The following RPL6 variants were observed in gnomAD, a reference collection of about 807,000 sequenced individuals.
RPL6 encodes ribosomal protein L6, also known as large ribosomal subunit protein eL6.
RPL6 carries 1 observed loss-of-function variant against 32.1 expected under a neutral mutation model. The observed-to-expected ratio is 0.03, with a 90% CI of 0.01 to 0.15. RPL6 has a LOEUF of 0.15. Ranked by LOEUF, RPL6 falls within the 10% of genes least tolerant of loss-of-function variation. RPL6 has a pLI of 1.00. For missense variants in RPL6, 275 were observed against 354.6 expected, an observed-to-expected ratio of 0.78 and a Z score of 1.80; for synonymous variants, 126 against 131.6, an observed-to-expected ratio of 0.96 and a Z score of 0.29.
chr12:112,409,500 G>C (rs1053292428), intron 1 of RPL6, 87 bp downstream of exon 1: 3 of 398,524 alleles, frequency 7.5e-6, no homozygotes, highest in Non-Finnish European at 1.3e-5. Flanking sequence ...GACCCCTGTA[G>C]GTGTCGACTG....
upstream of RPL6, among the ~76,000 whole-genome samples, chr12:112,409,904 C>G (rs374199861): frequency 1.3e-5 from 2 of 150,600 alleles, no homozygotes; most frequent in Non-Finnish European, 1.5e-5. Context: ...GACAGCCAGT[C>G]GAGGCGCGGA....
Position 112,405,278 on chromosome 12 carries a change from C to G in RPL6, c.813G>C (p.Leu271=). ...IKAIPQLQGY[L]RSVFALTNGI... is the part of the protein sequence containing the mutation. ...CATTCGTCAGAGCAAACACAGATCG[C>G]AGGTAGCCCTGGAGCTGAGGAATAG... The change falls in exon 7 of 7, where the codon CTG becomes CTC. Residue 271 remains leucine (L), a synonymous_variant. Transcript: ENST00000202773. The G allele has an allele frequency of 6.2e-7, 1 of 1,607,596 alleles. No individual in the cohort carries two copies. Among genetic ancestry groups the G allele is most frequent in the South Asian group, 1.1e-5 (1 of 90,298 alleles).
intron 6 of RPL6, 126 bp from the exon 7 acceptor site, chr12:112,405,502 T>C: frequency 4.0e-6 from 4 of 992,516 alleles, no homozygotes; most frequent in Non-Finnish European, 6.0e-6. Flanking sequence ...AAGACAATTT[T>C]GACAATCCTT....
chr12:112,411,698 T>A (rs972800940), upstream of RPL6, among the ~76,000 whole-genome samples: 3 of 152,154 alleles, frequency 2.0e-5, no homozygotes, highest in Non-Finnish European at 2.9e-5. Context: ...AATAAAAACG[T>A]AGATGAACCC....
At chr12:112,416,375 G>A (rs942522131) in intron 1 of RPL6, among the ~76,000 whole-genome samples, 16 of 151,944 alleles carry the variant, frequency 1.1e-4, no homozygotes, top group Non-Finnish European at 2.1e-4. Flanking sequence ...TCCTGACCTC[G>A]TGATCCGCCC....
At chr12:112,417,374 A>G (rs1408295894) in intron 1 of RPL6, among the ~76,000 whole-genome samples, 1 of 151,446 alleles carries the variant, frequency 6.6e-6, no homozygotes, top group Admixed American at 6.6e-5. Flanking sequence ...GTAGCCTTCA[A>G]TGAGTCATAT....
Position 112,405,255 on chromosome 12 carries a change from T to A in RPL6, c.836A>T (p.Asn279Ile). 6.3e-7 allele frequency: 1 copy of A among 1,585,274 alleles called. No individual in the cohort carries two copies. Among genetic ancestry groups the A allele is most frequent in the Non-Finnish European group, 8.6e-7 (1 of 1,169,494 alleles). Residue 279 changes from asparagine (N) to isoleucine (I), a missense_variant, in exon 7 of 7, where the codon AAT becomes ATT. Asn to Ile is a moderately radical substitution (Grantham distance 149). Coordinates refer to ENST00000202773, the MANE Select transcript of RPL6 (RefSeq NM_000970.6). ...CACCAATTTGTGAGGATAAATTCCA[T>A]TCGTCAGAGCAAACACAGATCGCAG... ...GYLRSVFALTNGIYPHKLVF is the reference protein window; with the variant it reads ...GYLRSVFALTIGIYPHKLVF
chr12:112,410,766 A>G (rs3759377), upstream of RPL6, among the ~76,000 whole-genome samples: 69,895 of 150,894 alleles, frequency 0.46, 20,916 homozygotes, highest in East Asian at 0.91. Flanking sequence ...GTAGAGACAG[A>G]GTTTCACCAT....
upstream of RPL6, chr12:112,409,636 A>G (rs2037301031): frequency 1.8e-5 from 7 of 397,006 alleles, no homozygotes; most frequent in South Asian, 9.4e-4. Flanking sequence ...GTCTATAAGC[A>G]ATCATGGGAA....
intron 1 of RPL6, among the ~76,000 whole-genome samples, chr12:112,418,004 G>A (rs2037442784): frequency 6.7e-6 from 1 of 148,886 alleles, no homozygotes; most frequent in Admixed American, 6.7e-5. Flanking sequence ...ATTTTGAGAC[G>A]GAGTCTCGCT....
Position 112,405,482 on chromosome 12 carries a change from G to T in RPL6, c.715-106C>A, listed in dbSNP as rs959289336. 13 of 1,154,910 alleles carry T rather than the reference G, an allele frequency of 1.1e-5. No homozygotes were observed. In the South Asian group the frequency reaches 1.7e-4, roughly 15 times the overall value. The allele number at this position is 1,154,910 out of a possible 1,614,324, so 71.5% of individuals were successfully genotyped here. Reference sequence around the variant, plus strand: ...AAGTACTAATCCCCAAGAATATTTAGAAAACATTAAAGACAATTTTGACAA... The same window carrying T: ...AAGTACTAATCCCCAAGAATATTTATAAAACATTAAAGACAATTTTGACAA... On this transcript the variant is annotated intron_variant, in intron 6 of 6. Transcript: ENST00000202773.
chr12:112,413,258 CG>C (rs1323559445), upstream of RPL6, among the ~76,000 whole-genome samples: 5 of 152,128 alleles, frequency 3.3e-5, no homozygotes, highest in African/African-American at 1.2e-4. Flanking sequence ...TGGAGTTGGC[CG>C]GGTGCGGTGG....
At chr12:112,411,650 G>A (rs2037342657), upstream of RPL6, among the ~76,000 whole-genome samples, 1 of 152,114 alleles carries the variant, frequency 6.6e-6, no homozygotes, top group Non-Finnish European at 1.5e-5. Context: ...TTCACCTAGT[G>A]AACGCCCCAA....
rs754802525 is a variant in RPL6, at chr12:112,406,731, G to A, written c.480+16C>T. 9.3e-6 allele frequency: 15 copies of A among 1,613,802 alleles called. No homozygotes were observed. The highest frequency in any genetic ancestry group is 1.7e-5 in the Admixed American group (1 of 59,986). On this transcript the variant is annotated intron_variant, in intron 4 of 6. Coordinates refer to ENST00000202773, the MANE Select transcript of RPL6 (RefSeq NM_000970.6). ...AGGCAGCTGCAGTGAAGCGCCCCAAGCACAGGTACTCTCACCTTGCCCCTG... is the reference window on the plus strand; with the variant it reads ...AGGCAGCTGCAGTGAAGCGCCCCAAACACAGGTACTCTCACCTTGCCCCTG...
Position 112,417,932 on chromosome 12 carries a change from G to A in RPL6, c.-229+796C>T, listed in dbSNP as rs1260698523. Among the ~76,000 whole-genome samples the A allele has an allele frequency of 2.0e-5, 3 of 151,966 alleles. No homozygotes were observed. In the South Asian group the frequency reaches 6.2e-4, roughly 32 times the overall value. On this transcript the variant is annotated intron_variant, in intron 1 of 5. Transcript: ENST00000551291. ...CTCAGCCTCCCAAAGGGAAGTGCTGGGATTTCAGGCGTGTGCCACCGCTCC... is the reference window on the plus strand; with the variant it reads ...CTCAGCCTCCCAAAGGGAAGTGCTGAGATTTCAGGCGTGTGCCACCGCTCC...
chr12:112,414,574 T>C (rs1231518183), upstream of RPL6, among the ~76,000 whole-genome samples: 1 of 152,150 alleles, frequency 6.6e-6, no homozygotes, highest in Non-Finnish European at 1.5e-5. Flanking sequence ...AGGAGTCAAA[T>C]GACTTGCTTA....
intron 1 of RPL6, among the ~76,000 whole-genome samples, chr12:112,418,022 C>T (rs1286545574): frequency 6.6e-6 from 1 of 151,670 alleles, no homozygotes; most frequent in Admixed American, 6.6e-5. Flanking sequence ...GCTCTATTGC[C>T]AGGCTGGAGT....
rs766939237 is a variant in RPL6, at chr12:112,408,626, T to C, written c.31A>G (p.Thr11Ala). The C allele has an allele frequency of 2.4e-5, 38 of 1,565,966 alleles. No individual in the cohort carries two copies. The highest frequency in any genetic ancestry group is 6.7e-5 in the East Asian group (3 of 44,684). MAGEKVEKPDTKEKKPEAKKV... is the reference protein window; with the variant it reads MAGEKVEKPDAKEKKPEAKKV... ...TTGGCTTCGGGTTTCTTCTCTTTAG[T>C]ATCTGGCTTCTCAACTTTTTCACCC... Residue 11 changes from threonine (T) to alanine (A), a missense_variant, in exon 2 of 7, where the codon ACT (threonine) becomes GCT (alanine). By Grantham distance (58) the Thr-to-Ala change is moderately conservative (BLOSUM62 0). Transcript: ENST00000202773.
chr12:112,408,625 G>A lies in RPL6; in HGVS notation c.32C>T (p.Thr11Ile), dbSNP rs1454765122. 14 of 1,564,910 alleles carry A rather than the reference G, an allele frequency of 8.9e-6. No homozygotes were observed. Among genetic ancestry groups the A allele is most frequent in the Admixed American group, 2.0e-5 (1 of 48,846 alleles). Residue 11 changes from threonine (T) to isoleucine (I), a missense_variant, in exon 2 of 7, where the codon ACT becomes ATT. Coordinates refer to ENST00000202773, the MANE Select transcript of RPL6 (RefSeq NM_000970.6). Reference protein sequence around the residue: MAGEKVEKPDTKEKKPEAKKV... With the variant: MAGEKVEKPDIKEKKPEAKKV... ...CTTGGCTTCGGGTTTCTTCTCTTTA[G>A]TATCTGGCTTCTCAACTTTTTCACC...
Sources: allele counts gnomAD v4.1 joint callset (sites outside exome capture counted in the v4.1 genomes callset), GRCh38; gene constraint gnomAD v4.1.1; transcripts MANE v1.5; gene names NCBI Gene and HGNC (gene_info 2026-07-23, HGNC 2026-07-21).